MPHOSPH9: variants seen among roughly 807,000 people sequenced by gnomAD.
MPHOSPH9 encodes the protein M-phase phosphoprotein 9.
MPHOSPH9 carries 88 observed loss-of-function variants against 145.5 expected under a neutral mutation model. The observed-to-expected ratio is 0.60, with a 90% confidence interval of 0.51 to 0.72. The LOEUF is 0.72. Among genes scored for constraint, MPHOSPH9 ranks in the 30% least tolerant of loss-of-function variants. The probability of loss-of-function intolerance (pLI) is 0.00; values close to 1 mark genes in which losing one functional copy is unlikely to be tolerated. For missense variants in MPHOSPH9, 1,238 were observed against 1,386.6 expected (o/e 0.89, Z 1.70); for synonymous variants, 435 against 486.2 (o/e 0.89, Z 1.39).
chr12:123,164,141 A>G (rs905101374), intron 18 of MPHOSPH9, 51 bp from the exon 19 acceptor site: 8 of 1,608,338 alleles, frequency 5.0e-6, no homozygotes, highest in Admixed American at 1.7e-5. Flanking sequence ...AAACAAGCCT[A>G]CGCTTCAGTT....
chr12:123,187,336 G>GA (rs1397022028), intron 13 of MPHOSPH9, among the ~76,000 whole-genome samples: 2 of 151,788 alleles, frequency 1.3e-5, no homozygotes, highest in African/African-American at 4.8e-5. Context: ...TATACCTCGA[G>GA]AAAAAAATGA....
intron 16 of MPHOSPH9, among the ~76,000 whole-genome samples, chr12:123,175,555 A>AC (rs1262080299): frequency 6.6e-6 from 1 of 151,648 alleles, no homozygotes; most frequent in Non-Finnish European, 1.5e-5. Context: ...GGCCACACTA[A>AC]CCTCCCTTAG....
At chr12:123,177,839 T>C (rs2044948678) in intron 15 of MPHOSPH9, among the ~76,000 whole-genome samples, 1 of 136,962 alleles carries the variant, frequency 7.3e-6, no homozygotes, top group Non-Finnish European at 1.6e-5. Flanking sequence ...AAACAGAACT[T>C]TTACCAAAAA....
intron 6 of MPHOSPH9, 48 bp downstream of exon 6, chr12:123,218,328 C>T: frequency 6.2e-7 from 1 of 1,608,750 alleles, no homozygotes; most frequent in Non-Finnish European, 8.5e-7. Context: ...ACTAAACCCA[C>T]ATAATCATCA....
chr12:123,218,535 T>G (rs1224790710), intron 5 of MPHOSPH9, 36 bp from the exon 6 acceptor site: 1 of 1,604,026 alleles, frequency 6.2e-7, no homozygotes, highest in African/African-American at 1.3e-5. Context: ...TACTTTTTTT[T>G]TTTGTTTTGA....
chr12:123,217,800 T>C (rs2047029477), intron 6 of MPHOSPH9, among the ~76,000 whole-genome samples: 1 of 151,966 alleles, frequency 6.6e-6, no homozygotes, highest in Admixed American at 6.6e-5. Flanking sequence ...TCCCTGCACT[T>C]TGGGAGGCCA....
chr12:123,176,870 C>A, intron 15 of MPHOSPH9, 81 bp from the exon 16 acceptor site: 1 of 1,107,590 alleles, frequency 9.0e-7, no homozygotes, highest in Non-Finnish European at 1.3e-6. Context: ...ATTTAACAGA[C>A]CCTCCTAAAA....
chr12:123,193,391 GT>G (rs2045797189), intron 13 of MPHOSPH9, among the ~76,000 whole-genome samples: 1 of 152,102 alleles, frequency 6.6e-6, no homozygotes, highest in Non-Finnish European at 1.5e-5. Context: ...GAAGACTGCT[GT>G]TTTTCATGAG....
upstream of MPHOSPH9, among the ~76,000 whole-genome samples, chr12:123,236,588 G>T (rs1416950726): frequency 1.4e-5 from 2 of 146,994 alleles, no homozygotes; most frequent in Non-Finnish European, 3.0e-5. Context: ...GGGAGACCCT[G>T]TCTCAAAAAA....
At chr12:123,204,377 T>C (rs1460306349) in intron 8 of MPHOSPH9, among the ~76,000 whole-genome samples, 1 of 151,642 alleles carries the variant, frequency 6.6e-6, no homozygotes, top group Non-Finnish European at 1.5e-5. Flanking sequence ...GCCAAATTAA[T>C]TTCATATGGC....
chr12:123,186,306 A>C (rs540200696), intron 13 of MPHOSPH9, among the ~76,000 whole-genome samples: 87 of 151,948 alleles, frequency 5.7e-4, no homozygotes, highest in Non-Finnish European at 1.1e-3. Context: ...GAGGTATTTA[A>C]GGGTAAATTA....
intron 12 of MPHOSPH9, among the ~76,000 whole-genome samples, chr12:123,197,055 T>C (rs1243149219): frequency 1.9e-4 from 29 of 149,160 alleles, no homozygotes; most frequent in African/African-American, 6.9e-4. Flanking sequence ...TTTTTTTTTT[T>C]TTTTGAGGAA....
chr12:123,227,748 C>A, intron 2 of MPHOSPH9, 132 bp from the exon 3 acceptor site: 7 of 719,112 alleles, frequency 9.7e-6, no homozygotes, highest in East Asian at 3.2e-5. Context: ...CTCATTTGTT[C>A]AAAATCTGAT....
At chr12:123,214,653 GTTT>G (rs77954523) in intron 7 of MPHOSPH9, 88 bp downstream of exon 7, 789,722 of 1,051,040 alleles carry the variant, frequency 0.75, 306,571 homozygotes, top group East Asian at 1. Context: ...TAGGCAAGTT[GTTT>G]TTTAAAAATA....
intron 2 of MPHOSPH9, among the ~76,000 whole-genome samples, chr12:123,229,006 C>A (rs556533274): frequency 6.6e-6 from 1 of 152,168 alleles, no homozygotes; most frequent in Admixed American, 6.5e-5. Flanking sequence ...TTCCTTTTCT[C>A]GTTTTATTTC....
chr12:123,197,599 T>C (rs1172071602), intron 12 of MPHOSPH9, among the ~76,000 whole-genome samples: 5 of 150,684 alleles, frequency 3.3e-5, no homozygotes, highest in South Asian at 2.1e-4. Flanking sequence ...CTGACCCCCA[T>C]GGTGAAACCC....
Position 123,156,938 on chromosome 12 carries a change from T to C in MPHOSPH9, c.3451-30A>G, listed in dbSNP as rs759389139. On this transcript the variant is annotated intron_variant, in intron 23 of 23. Coordinates refer to ENST00000606320, the MANE Select transcript of MPHOSPH9 (RefSeq NM_022782.4). ...GTGAAAACAATGGGAAAAGTTTAAT[T>C]AGAATTCTATACCAAGTTCTATAAT... is the stretch of plus-strand genomic sequence containing the variant. 8.5e-6 allele frequency: 13 copies of C among 1,537,016 alleles called. No homozygotes were observed. In the South Asian group the frequency reaches 9.1e-5, roughly 11 times the overall value.
chr12:123,181,527 C>T (rs1269371439), intron 13 of MPHOSPH9, among the ~76,000 whole-genome samples: 2 of 151,442 alleles, frequency 1.3e-5, no homozygotes, highest in South Asian at 2.1e-4. Flanking sequence ...GGGAACAGAG[C>T]GAGACCTCGT....
chr12:123,187,261 A>T (rs2045485299), intron 13 of MPHOSPH9, among the ~76,000 whole-genome samples: 2 of 151,650 alleles, frequency 1.3e-5, no homozygotes, highest in Non-Finnish European at 2.9e-5. Context: ...ACTCTGTCTC[A>T]AAAAAAAAGA....
Sources: allele counts gnomAD v4.1 joint callset (sites outside exome capture counted in the v4.1 genomes callset), GRCh38; gene constraint gnomAD v4.1.1; transcripts MANE v1.5; gene names NCBI Gene and HGNC (gene_info 2026-07-23, HGNC 2026-07-21).